Variants in DSCAML1 observed in about 807,000 individuals in gnomAD.
DSCAML1 encodes the protein DS cell adhesion molecule like 1.
DSCAML1 carries 38 observed loss-of-function variants against 200.5 expected under a neutral mutation model. The ratio of observed to expected loss-of-function variants is 0.19; its 90% CI spans 0.15 to 0.25. The LOEUF is 0.25. Ranked by LOEUF, DSCAML1 falls within the 10% of genes least tolerant of loss-of-function variation. The pLI, the probability that DSCAML1 is intolerant of heterozygous loss-of-function variation, is 1.00. For missense variants in DSCAML1, 2,223 were observed against 2,858.8 expected (o/e 0.78, Z 5.07); for synonymous variants, 1,215 against 1,165.0 (o/e 1.04, Z -0.87).
intron 3 of DSCAML1, among the ~76,000 whole-genome samples, chr11:117,684,555 CAG>C (rs143050500): frequency 1.3e-3 from 184 of 144,954 alleles, no homozygotes; most frequent in Admixed American, 1.5e-3. Flanking sequence ...TAGCAAAGAG[CAG>C]AGAGAGAGAG....
chr11:117,584,997 C>T (rs988540538), intron 3 of DSCAML1, among the ~76,000 whole-genome samples: 3 of 152,162 alleles, frequency 2.0e-5, no homozygotes, highest in Non-Finnish European at 4.4e-5. Context: ...TTGAAGGCAT[C>T]GAAAATATTC....
chr11:117,519,270 C>T (rs759030349), intron 6 of DSCAML1, among the ~76,000 whole-genome samples: 38 of 152,134 alleles, frequency 2.5e-4, no homozygotes, highest in African/African-American at 7.2e-4. Flanking sequence ...GTTCCCTCTG[C>T]GTGGGGCCTC....
intron 3 of DSCAML1, among the ~76,000 whole-genome samples, chr11:117,617,827 C>T (rs2051842574): frequency 6.6e-6 from 1 of 152,148 alleles, no homozygotes; most frequent in South Asian, 2.1e-4. Flanking sequence ...TCACACTTCA[C>T]TACACTCTGT....
rs1218419007 is a variant in DSCAML1 at position 117,518,072 on chromosome 11, C to T, written c.1510+394G>A. On this transcript the variant is annotated intron_variant, in intron 7 of 32. Coordinates refer to ENST00000651296, the MANE Select transcript of DSCAML1 (RefSeq NM_020693.4). This position sits in a 1 kb window ranked among gnomAD's most constrained non-coding sequence, Gnocchi z 6.3. ...GTTAAAGACCAAGCCTGGTCCCCAG[C>T]CCCTGCACTGTCTTGCCCTTACAAG... 6.6e-6 allele frequency among the ~76,000 whole-genome samples: 1 copy of T among 152,230 alleles called. No homozygotes were observed. The highest frequency in any genetic ancestry group is 2.4e-5 in the African/African-American group (1 of 41,462).
chr11:117,808,476 C>T (rs753316896), intron 1 of DSCAML1, among the ~76,000 whole-genome samples: 1 of 152,076 alleles, frequency 6.6e-6, no homozygotes, highest in Non-Finnish European at 1.5e-5. Context: ...TCAGTGGCTC[C>T]GAAACCACAC....
Position 117,516,807 on chromosome 11 carries a change from A to G in DSCAML1, c.1511-68T>C, listed in dbSNP as rs2137306189. 6.5e-7 allele frequency: 1 copy of G among 1,549,956 alleles called. No individual in the cohort carries two copies. The highest frequency in any genetic ancestry group is 8.7e-7 in the Non-Finnish European group (1 of 1,147,230). On this transcript the variant is annotated intron_variant, in intron 7 of 32. Transcript: ENST00000651296. The surrounding 1 kb of genome is among the most constrained non-coding windows in gnomAD (Gnocchi z 5.7). ...GTGCTGCTGTCAGCCAGGGACAGCC[A>G]GGCACCACCCTGCGGTGCTCTTCTC...
intron 3 of DSCAML1, among the ~76,000 whole-genome samples, chr11:117,589,111 A>G (rs1041639122): frequency 6.6e-6 from 1 of 152,088 alleles, no homozygotes; most frequent in South Asian, 2.1e-4. Flanking sequence ...CAAGCCTCAG[A>G]TGGGACTGGT....
chr11:117,796,403 G>A (rs890785032), intron 1 of DSCAML1, among the ~76,000 whole-genome samples: 5 of 152,256 alleles, frequency 3.3e-5, no homozygotes, highest in African/African-American at 1.2e-4. Flanking sequence ...GCAGAGGGGT[G>A]GGGTAGGGCC....
intron 3 of DSCAML1, among the ~76,000 whole-genome samples, chr11:117,590,746 G>GGC (rs2051243092): frequency 6.6e-6 from 1 of 152,228 alleles, no homozygotes; most frequent in Non-Finnish European, 1.5e-5. Flanking sequence ...AGTGGGGTAT[G>GGC]TCCCAGGGTG....
chr11:117,689,144 GA>G (rs2053455541), intron 3 of DSCAML1, among the ~76,000 whole-genome samples: 2 of 152,210 alleles, frequency 1.3e-5, no homozygotes, highest in African/African-American at 4.8e-5. Flanking sequence ...TACTGATGAG[GA>G]AACCGAGACT....
chr11:117,434,089 T>C (rs896310211), intron 27 of DSCAML1, among the ~76,000 whole-genome samples: 2 of 152,198 alleles, frequency 1.3e-5, no homozygotes, highest in Non-Finnish European at 2.9e-5. Flanking sequence ...AGACCCCTGA[T>C]ACCTGAGAAT....
intron 3 of DSCAML1, among the ~76,000 whole-genome samples, chr11:117,666,328 C>T (rs1170349607): frequency 1.3e-5 from 2 of 152,200 alleles, no homozygotes; most frequent in African/African-American, 4.8e-5. Flanking sequence ...CACCCAGTAG[C>T]TAGCATTTTC....
chr11:117,605,489 G>A (rs529856214), intron 3 of DSCAML1, among the ~76,000 whole-genome samples: 1 of 152,180 alleles, frequency 6.6e-6, no homozygotes, highest in South Asian at 2.1e-4. Context: ...AATGGAAAGC[G>A]CTTAAGTGGA....
intron 3 of DSCAML1, among the ~76,000 whole-genome samples, chr11:117,649,446 C>T (rs76403599): frequency 0.01 from 1,529 of 152,240 alleles, 25 homozygotes; most frequent in East Asian, 0.073. Context: ...ATAAGTTCCC[C>T]GTCTCCACTA....
chr11:117,590,291 CA>C (rs2051234541), intron 3 of DSCAML1, among the ~76,000 whole-genome samples: 1 of 151,470 alleles, frequency 6.6e-6, no homozygotes, highest in Admixed American at 6.6e-5. Context: ...TGGGCTCAAA[CA>C]ATCCTCCCAC....
chr11:117,713,122 T>G (rs1304712597), intron 3 of DSCAML1, among the ~76,000 whole-genome samples: 1 of 152,148 alleles, frequency 6.6e-6, no homozygotes, highest in African/African-American at 2.4e-5. Flanking sequence ...TGCCGTTTTT[T>G]GGGAGACTCT....
At chr11:117,539,606 C>CAAAAAAAAAAAAAAAAAAAAAAAAAAA (rs35130897) in intron 3 of DSCAML1, among the ~76,000 whole-genome samples, 10 of 52,604 alleles carry the variant, frequency 1.9e-4, no homozygotes, top group Non-Finnish European at 3.2e-4. Flanking sequence ...AAAACTCTGT[C>CAAAAAAAAAAAAAAAAAAAAAAAAAAA]AAAAAAAAAA....
At position 117,758,320 on chromosome 11, in the gene DSCAML1, C is replaced by T. The variant is rs565803563; in HGVS notation, c.511+18471G>A. ...ATCTCAAAAAAAAAAAAAATTCTAC[C>T]GTAAGTTATTTAATCATTCCTCTGT... On this transcript the variant is annotated intron_variant, in intron 3 of 32. Transcript: ENST00000651296. 1.7e-3 allele frequency among the ~76,000 whole-genome samples: 252 copies of T among 150,866 alleles called. 1 individual carries two copies. The highest frequency in any genetic ancestry group is 3.5e-3 in the Middle Eastern group (1 of 286).
At chr11:117,798,984 G>C (rs1416821485), upstream of DSCAML1, among the ~76,000 whole-genome samples, 22 of 152,134 alleles carry the variant, frequency 1.4e-4, no homozygotes, top group Admixed American at 9.2e-4. Flanking sequence ...CAGAGACGGG[G>C]GGACAGACTG....
Sources: gnomAD v4.1 joint callset for allele counts (sites outside exome capture counted in the v4.1 genomes callset) on GRCh38, gnomAD v4.1.1 for gene constraint, Gnocchi (gnomAD v3.1) non-coding constraint, MANE v1.5 for transcripts, NCBI Gene and HGNC (gene_info 2026-07-23, HGNC 2026-07-21) for gene names.